The following CARMIL1 variants were observed in gnomAD, a reference collection of about 807,000 sequenced individuals.
CARMIL1 encodes the protein capping protein regulator and myosin 1 linker 1.
CARMIL1 carries 90 observed loss-of-function variants against 177.1 expected under a neutral mutation model. That is an observed-to-expected ratio of 0.51 (90% CI 0.43 to 0.61). The LOEUF is 0.61. CARMIL1 is among the 20% of genes least tolerant of loss of function. CARMIL1 has a pLI of 0.00. For missense variants in CARMIL1, 1,380 were observed against 1,667.0 expected (o/e 0.83, Z 3.00); for synonymous variants, 577 against 606.2 (o/e 0.95, Z 0.71).
intron 2 of CARMIL1, among the ~76,000 whole-genome samples, chr6:25,347,100 G>A (rs566007994): frequency 2.6e-5 from 4 of 152,298 alleles, no homozygotes; most frequent in South Asian, 4.1e-4. Flanking sequence ...TGTTTAGACC[G>A]TACATTATTG....
At chr6:25,355,760 T>C (rs779483357) in intron 2 of CARMIL1, among the ~76,000 whole-genome samples, 3 of 152,214 alleles carry the variant, frequency 2.0e-5, no homozygotes, top group Non-Finnish European at 4.4e-5. Flanking sequence ...TCTTTCAATT[T>C]AAAATTTTTT....
At chr6:25,512,593 A>C (rs532169221) in intron 20 of CARMIL1, among the ~76,000 whole-genome samples, 81 of 152,346 alleles carry the variant, frequency 5.3e-4, no homozygotes, top group African/African-American at 1.8e-3. Flanking sequence ...CATGTTAAAA[A>C]ATAATCTCTT....
At chr6:25,563,889 T>G (rs1811343778) in intron 29 of CARMIL1, 2 of 985,120 alleles carry the variant, frequency 2.0e-6, no homozygotes, top group Non-Finnish European at 1.2e-6. Context: ...TTCATACAGG[T>G]TACATCTTTC....
At chr6:25,289,064 A>T (rs1276830831) in intron 2 of CARMIL1, among the ~76,000 whole-genome samples, 2 of 152,206 alleles carry the variant, frequency 1.3e-5, no homozygotes, top group African/African-American at 2.4e-5. Context: ...CAGGCCAGAG[A>T]TGATGCCTCT....
At chr6:25,458,772 T>C (rs2150892314) in intron 8 of CARMIL1, among the ~76,000 whole-genome samples, 1 of 152,288 alleles carries the variant, frequency 6.6e-6, no homozygotes, top group African/African-American at 2.4e-5. Flanking sequence ...ACCTTGCATA[T>C]TTCAAACTTC....
At chr6:25,402,579 T>A (rs2150586185) in intron 2 of CARMIL1, among the ~76,000 whole-genome samples, 1 of 152,342 alleles carries the variant, frequency 6.6e-6, no homozygotes, top group South Asian at 2.1e-4. Flanking sequence ...GATTCATGAA[T>A]GTTTTACTGT....
intron 2 of CARMIL1, chr6:25,388,363 CT>C: frequency 6.6e-6 from 1 of 151,350 alleles, no homozygotes; most frequent in South Asian, 2.1e-4. Context: ...GATTTCTCTA[CT>C]TTTTTTGTTT....
intron 23 of CARMIL1, chr6:25,527,786 A>G (rs1807306414): frequency 2.9e-6 from 1 of 342,050 alleles, no homozygotes; most frequent in Non-Finnish European, 5.5e-6. Context: ...CTGTATTTTA[A>G]TAGTTTCTAA....
chr6:25,586,825 G>A (rs1481866980), intron 31 of CARMIL1, among the ~76,000 whole-genome samples: 5 of 151,958 alleles, frequency 3.3e-5, no homozygotes, highest in African/African-American at 7.3e-5. Context: ...GTGGCGGCGC[G>A]CGCCTGCAAT....
intron 2 of CARMIL1, among the ~76,000 whole-genome samples, chr6:25,387,196 G>A (rs1032519246): frequency 2.0e-5 from 3 of 149,994 alleles, no homozygotes; most frequent in African/African-American, 7.4e-5. Context: ...CACATTTAAT[G>A]TACAGACTAT....
intron 5 of CARMIL1, among the ~76,000 whole-genome samples, chr6:25,442,204 A>G (rs543739119): frequency 6.6e-6 from 1 of 151,032 alleles, no homozygotes. Flanking sequence ...TTTTGTGTCA[A>G]TAGTTTATCA....
At chr6:25,471,020 C>A in intron 9 of CARMIL1, 149 bp from the exon 10 acceptor site, 1 of 467,242 alleles carries the variant, frequency 2.1e-6, no homozygotes, top group Admixed American at 4.1e-5. Flanking sequence ...ATCTTCATCA[C>A]GATGGTGCGT....
At chr6:25,313,002 A>G (rs975512299) in intron 2 of CARMIL1, among the ~76,000 whole-genome samples, 7 of 151,896 alleles carry the variant, frequency 4.6e-5, no homozygotes, top group Non-Finnish European at 7.4e-5. Flanking sequence ...GCTTTTATCA[A>G]GGTTTACATT....
At chr6:25,454,786 T>C (rs1799338790) in intron 8 of CARMIL1, among the ~76,000 whole-genome samples, 1 of 152,224 alleles carries the variant, frequency 6.6e-6, no homozygotes, top group Non-Finnish European at 1.5e-5. Context: ...GCTGATTATT[T>C]CGATGTAGTA....
intron 1 of CARMIL1, among the ~76,000 whole-genome samples, chr6:25,280,954 G>T (rs187608608): frequency 6.6e-6 from 1 of 152,058 alleles, no homozygotes; most frequent in East Asian, 1.9e-4. Flanking sequence ...TAATACTTTG[G>T]AGGAATTTGT....
intron 2 of CARMIL1, among the ~76,000 whole-genome samples, chr6:25,320,110 T>G (rs1241655051): frequency 6.6e-6 from 1 of 152,208 alleles, no homozygotes; most frequent in Admixed American, 6.5e-5. Flanking sequence ...GTTTATGGCA[T>G]TTTTCTGAAG....
In CARMIL1 at chr6:25,332,742, T is replaced by TACACACACACACACAC. The variant is rs35133749; in HGVS notation, c.138+47848_138+47863dup. Among the ~76,000 whole-genome samples, 403 of 140,150 alleles carry TACACACACACACACAC rather than the reference T, an allele frequency of 2.9e-3. 4 individuals carry two copies. Among genetic ancestry groups the TACACACACACACACAC allele is most frequent in the African/African-American group, 4.7e-3 (171 of 36,618 alleles). The allele number at this position is 140,150 out of a possible 152,430, so 91.9% of individuals were successfully genotyped here. A position where few individuals can be genotyped will look rare whatever the true frequency, so the allele number is the denominator to read the frequency against. On this transcript the variant is annotated intron_variant, in intron 2 of 36. Coordinates refer to ENST00000329474, the MANE Select transcript of CARMIL1 (RefSeq NM_017640.6). ...GCACCACCCACCATGCAAACATGCA[T>TACACACACACACACAC]ACACACACACACACACACACACACA...
intron 2 of CARMIL1, among the ~76,000 whole-genome samples, chr6:25,402,314 A>C (rs1282876300): frequency 1.3e-5 from 2 of 152,200 alleles, no homozygotes; most frequent in African/African-American, 4.8e-5. Context: ...TCAAGGAAGA[A>C]AATCCCATTT....
chr6:25,317,592 G>T (rs569948539), intron 2 of CARMIL1, among the ~76,000 whole-genome samples: 93 of 139,646 alleles, frequency 6.7e-4, no homozygotes, highest in African/African-American at 2.5e-3. Context: ...ATAGAGATGG[G>T]GGATCTCATC....
Sources: allele counts gnomAD v4.1 joint callset (sites outside exome capture counted in the v4.1 genomes callset), GRCh38; gene constraint gnomAD v4.1.1; transcripts MANE v1.5; gene names NCBI Gene and HGNC (gene_info 2026-07-23, HGNC 2026-07-21).